The following PDE1C variants were observed in gnomAD, a reference collection of about 807,000 sequenced individuals.
The protein encoded by PDE1C is dual specificity calcium/calmodulin-dependent 3',5'-cyclic nucleotide phosphodiesterase 1C.
In PDE1C, 62 loss-of-function variants were observed where a neutral mutation model predicts 93.1. The ratio of observed to expected loss-of-function variants is 0.67; its 90% CI spans 0.54 to 0.82. The LOEUF (loss-of-function observed/expected upper bound fraction) is 0.82. Ranked by LOEUF, PDE1C falls within the 40% of genes least tolerant of loss-of-function variation. The pLI, the probability that PDE1C is intolerant of heterozygous loss-of-function variation, is 0.00. For missense variants in PDE1C, 742 were observed against 884.6 expected (o/e 0.84, Z 2.04); for synonymous variants, 325 against 310.1 (o/e 1.05, Z -0.50).
At chr7:31,896,425 G>T (rs1292163653) in intron 2 of PDE1C, among the ~76,000 whole-genome samples, 1 of 152,138 alleles carries the variant, frequency 6.6e-6, no homozygotes, top group Non-Finnish European at 1.5e-5. Flanking sequence ...TAGCTCTTTT[G>T]ATCTACTTGG....
At chr7:32,301,666 T>A (rs1812884032), upstream of PDE1C, among the ~76,000 whole-genome samples, 1 of 152,182 alleles carries the variant, frequency 6.6e-6, no homozygotes, top group African/African-American at 2.4e-5. Context: ...AATGCTAACA[T>A]TACATAAGTC....
the PDE1C span, among the ~76,000 whole-genome samples, chr7:31,743,501 T>G: frequency 6.6e-6 from 1 of 151,948 alleles, no homozygotes; most frequent in Non-Finnish European, 1.5e-5. Context: ...AACCATGCTG[T>G]CAATGACTGA....
At position 32,224,555 on chromosome 7, in the gene PDE1C, A is replaced by G. The variant is rs532599375; in HGVS notation, c.86-15016T>C. On this transcript the variant is annotated intron_variant, in intron 1 of 18. Coordinates refer to the PDE1C transcript ENST00000396193. ...AAAACACTTACAACGGTCTTGGCAC[A>G]TGACCATGATGAGCTGCTCAGTAAG... Among the ~76,000 whole-genome samples, 152 of 152,352 alleles carry G rather than the reference A, an allele frequency of 1.0e-3. 2 individuals carry two copies. The highest frequency in any genetic ancestry group is 1.7e-3 in the Non-Finnish European group (116 of 68,038).
At chr7:31,790,156 T>C in intron 16 of PDE1C, 1 of 1,598,972 alleles carries the variant, frequency 6.3e-7, no homozygotes. Context: ...TATGGGTCTT[T>C]GTGGAAGAAG....
Position 32,055,901 on chromosome 7 carries a change from G to A in PDE1C, c.102-4321C>T, listed in dbSNP as rs187973194. ...TGCCCAGCTAAGTTTTGTATTTTTA[G>A]TAGAGATGGGGTTTCACCATGTTGG... On this transcript the variant is annotated intron_variant, in intron 1 of 17. Coordinates refer to ENST00000396191, the MANE Select transcript of PDE1C (RefSeq NM_001191057.4). Among the ~76,000 whole-genome samples the A allele has an allele frequency of 9.3e-3, 1,420 of 152,226 alleles. 31 individuals are homozygous for A. Among genetic ancestry groups the A allele is most frequent in the African/African-American group, 0.032 (1,310 of 41,526 alleles).
chr7:31,968,530 C>G (rs62456056), intron 2 of PDE1C, among the ~76,000 whole-genome samples: 1 of 151,968 alleles, frequency 6.6e-6, no homozygotes, highest in Non-Finnish European at 1.5e-5. Context: ...AATGGCCATA[C>G]TGCCCAAGGT....
At chr7:32,252,320 A>G (rs1261104190) in intron 1 of PDE1C, among the ~76,000 whole-genome samples, 1 of 152,224 alleles carries the variant, frequency 6.6e-6, no homozygotes, top group Non-Finnish European at 1.5e-5. Flanking sequence ...CAGTCACAAT[A>G]TCTTCCCTCA....
intron 12 of PDE1C, among the ~76,000 whole-genome samples, chr7:31,826,026 T>A (rs1789615660): frequency 6.6e-6 from 1 of 152,144 alleles, no homozygotes; most frequent in Non-Finnish European, 1.5e-5. Context: ...GAAGTCGGGC[T>A]ACAGAGATTG....
the PDE1C span, among the ~76,000 whole-genome samples, chr7:31,703,934 G>A: frequency 6.6e-6 from 1 of 152,200 alleles, no homozygotes; most frequent in Non-Finnish European, 1.5e-5. Flanking sequence ...TTAGCCTACA[G>A]TTGCCAGGGG....
At chr7:31,906,548 T>A (rs1800609020) in intron 2 of PDE1C, among the ~76,000 whole-genome samples, 1 of 152,176 alleles carries the variant, frequency 6.6e-6, no homozygotes, top group African/African-American at 2.4e-5. Flanking sequence ...ACGTGTACTG[T>A]TGAGTCAACA....
intron 17 of PDE1C, among the ~76,000 whole-genome samples, chr7:31,770,342 A>C (rs1358050838): frequency 6.6e-6 from 1 of 151,964 alleles, no homozygotes; most frequent in Non-Finnish European, 1.5e-5. Flanking sequence ...CTCTCTGTGG[A>C]TTGTCTTTCC....
chr7:31,683,252 A>G, the PDE1C span, among the ~76,000 whole-genome samples: 1 of 152,202 alleles, frequency 6.6e-6, no homozygotes, highest in Non-Finnish European at 1.5e-5. Context: ...ACAATATACA[A>G]GGGATCTATC....
intron 1 of PDE1C, among the ~76,000 whole-genome samples, chr7:32,261,733 A>AG (rs1810217109): frequency 6.6e-6 from 1 of 152,250 alleles, no homozygotes; most frequent in Non-Finnish European, 1.5e-5. Context: ...TATAAACGTT[A>AG]TAGTTAGAAC....
intron 2 of PDE1C, among the ~76,000 whole-genome samples, chr7:32,205,476 CGGACCAATCAGCACTCTGTAAAAT>C (rs1410021086): frequency 5.3e-5 from 8 of 151,960 alleles, no homozygotes; most frequent in African/African-American, 9.7e-5. Context: ...TCTGTAAAAA[CGGACCAATCAGCACTCTGTAAAAT>C]GGACCAATCA....
chr7:32,266,041 G>A (rs940912427), intron 1 of PDE1C, among the ~76,000 whole-genome samples: 4 of 120,608 alleles, frequency 3.3e-5, no homozygotes, highest in African/African-American at 6.7e-5. Flanking sequence ...TTGAGAGGCC[G>A]AGGCAGGCAG....
At chr7:31,620,257 G>A in the PDE1C span, among the ~76,000 whole-genome samples, 19 of 152,144 alleles carry the variant, frequency 1.2e-4, no homozygotes, top group African/African-American at 4.6e-4. Context: ...AGAGAGCAGT[G>A]GTTCTCCCAG....
At chr7:31,877,415 T>C (rs561238885) in intron 5 of PDE1C, among the ~76,000 whole-genome samples, 1 of 152,116 alleles carries the variant, frequency 6.6e-6, no homozygotes, top group South Asian at 2.1e-4. Context: ...TGGAAAACAA[T>C]GGGCTATATA....
At chr7:32,154,218 C>A (rs2128792852) in intron 3 of PDE1C, among the ~76,000 whole-genome samples, 1 of 152,202 alleles carries the variant, frequency 6.6e-6, no homozygotes, top group Non-Finnish European at 1.5e-5. Flanking sequence ...GTGATTGCAC[C>A]ACTGCACTCC....
chr7:31,790,408 C>G, intron 16 of PDE1C: 1 of 651,814 alleles, frequency 1.5e-6, no homozygotes, highest in Non-Finnish European at 2.7e-6. Context: ...ATTGCTGTCT[C>G]CCTTGTAACA....
Sources: allele counts gnomAD v4.1 joint callset (sites outside exome capture counted in the v4.1 genomes callset), GRCh38; gene constraint gnomAD v4.1.1; transcripts MANE v1.5; gene names NCBI Gene and HGNC (gene_info 2026-07-23, HGNC 2026-07-21).